Variants in IL16 observed in about 807,000 individuals in gnomAD.
IL16 encodes interleukin 16, also known as pro-interleukin-16.
Under a neutral mutation model 110.1 loss-of-function variants are expected in IL16, and 67 were observed. The ratio of observed to expected loss-of-function variants is 0.61; its 90% CI spans 0.50 to 0.75. The LOEUF is 0.75. IL16 is among the 30% of genes least tolerant of loss of function. IL16 has a pLI of 0.00. For synonymous variants in IL16, 689 were observed against 662.9 expected (o/e 1.04, Z -0.61); for missense variants, 1,545 against 1,655.0 (o/e 0.93, Z 1.15).
intron 5 of IL16, among the ~76,000 whole-genome samples, chr15:81,271,269 A>G (rs899607806): frequency 1.4e-5 from 2 of 143,588 alleles, no homozygotes; most frequent in Non-Finnish European, 3.0e-5. Context: ...TAAATAAAAT[A>G]AAATAAATTA....
At chr15:81,192,482 G>T (rs1394409678), upstream of IL16, among the ~76,000 whole-genome samples, 1 of 152,068 alleles carries the variant, frequency 6.6e-6, no homozygotes, top group Admixed American at 6.6e-5. Flanking sequence ...GGTGGCATGT[G>T]CTTGTTGTCC....
intron 2 of IL16, among the ~76,000 whole-genome samples, chr15:81,245,877 A>G (rs949405148): frequency 2.0e-5 from 3 of 151,626 alleles, no homozygotes; most frequent in South Asian, 2.1e-4. Flanking sequence ...TCTTCTTGCT[A>G]CCTTTCAGAG....
Position 81,303,637 on chromosome 15 carries a change from A to G in IL16, c.3407A>G (p.Asn1136Ser). ...FSLAGGADLE[N>S]KVITVHRVFP... ...TTGGCAGGAGGAGCAGATCTAGAAA[A>G]CAAGGTGATTACGGTGAGTGGCCAA... Residue 1136 changes from asparagine to serine, a missense_variant, in exon 16 of 19, where the codon AAC becomes AGC. Transcript: ENST00000683961. The surrounding 1 kb of genome is among the most constrained non-coding windows in gnomAD (Gnocchi z 4.1). 1.9e-6 allele frequency: 3 copies of G among 1,611,950 alleles called. No individual in the cohort carries two copies. Among genetic ancestry groups the G allele is most frequent in the Non-Finnish European group, 2.5e-6 (3 of 1,177,970 alleles).
intron 1 of IL16, among the ~76,000 whole-genome samples, chr15:81,184,971 G>A (rs906661340): frequency 1.3e-5 from 2 of 152,154 alleles, no homozygotes; most frequent in Non-Finnish European, 2.9e-5. Context: ...TAGGTGCCTT[G>A]ACTCCTTCTG....
At chr15:81,187,037 CT>C (rs1895429990) in intron 1 of IL16, among the ~76,000 whole-genome samples, 1 of 152,184 alleles carries the variant, frequency 6.6e-6, no homozygotes. Flanking sequence ...AGTAGCCCCC[CT>C]GGCTTCCTCT....
chr15:81,265,103 C>A (rs1399099140), intron 3 of IL16, among the ~76,000 whole-genome samples: 1 of 152,010 alleles, frequency 6.6e-6, no homozygotes, highest in Non-Finnish European at 1.5e-5. Flanking sequence ...GTGGTTTCCA[C>A]AAAGTAGAGG....
At chr15:81,196,774 G>A (rs1344780330), upstream of IL16, 1 of 997,702 alleles carries the variant, frequency 1.0e-6, no homozygotes, top group African/African-American at 1.8e-5. Flanking sequence ...CTGAGGCTGA[G>A]CTTCTCAGCA....
In IL16 at chr15:81,273,186, G is replaced by T. The variant is rs188062582; in HGVS notation, c.772G>T (p.Asp258Tyr). Residue 258 changes from aspartate to tyrosine, a missense_variant, in exon 6 of 19, where the codon GAT (aspartate) becomes TAT (tyrosine). By Grantham distance (160) the Asp-to-Tyr change is radical (BLOSUM62 -3). This residue lies in a region of IL16 where 1,185 missense variants were observed against 1,238.8 expected (regional missense o/e 0.96). Coordinates refer to ENST00000683961, the MANE Select transcript of IL16 (RefSeq NM_172217.5). Reference sequence around the variant, plus strand: ...TTTTGCAGGGGGAGCAGCAGCAGCCGATGGAAGGCTACAGGAAGGTAGGCT... The same window carrying T: ...TTTTGCAGGGGGAGCAGCAGCAGCCTATGGAAGGCTACAGGAAGGTAGGCT... The part of the protein sequence containing the change: ...TIFAGGAAAA[D>Y]GRLQEGDEIL... The T allele has an allele frequency of 6.0e-4, 973 of 1,612,094 alleles. No homozygotes were observed. Among genetic ancestry groups the T allele is most frequent in the Non-Finnish European group, 7.9e-4 (935 of 1,178,776 alleles).
Position 81,306,216 on chromosome 15 carries a change from C to A in IL16, c.3679+50C>A, listed in dbSNP as rs375183714. 116 of 1,586,620 alleles carry A rather than the reference C, an allele frequency of 7.3e-5. No individual in the cohort carries two copies. The Middle Eastern group carries it at 9.0e-4, about 12-fold the overall frequency. On this transcript the variant is annotated intron_variant, in intron 17 of 18. Coordinates refer to ENST00000683961, the MANE Select transcript of IL16 (RefSeq NM_172217.5). ...GCCACATGGGCCACATCCTCTTTGG[C>A]CATTTGGGGCCAGACCTGATGGGGC...
At chr15:81,190,786 G>A (rs1283130492) in intron 1 of IL16, among the ~76,000 whole-genome samples, 1 of 152,198 alleles carries the variant, frequency 6.6e-6, no homozygotes, top group African/African-American at 2.4e-5. Flanking sequence ...AGGACGGCGA[G>A]ACAAGATGGT....
rs1897670089 is a variant in IL16 at position 81,248,940 on chromosome 15, T to G, written c.313-10832T>G. ...TTTGCCATGTTGCCCAGGCTGGTCT[T>G]GAACTCCTGAGCTCAAGTGATCTGC... On this transcript the variant is annotated intron_variant, in intron 2 of 18. Coordinates refer to ENST00000683961, the MANE Select transcript of IL16 (RefSeq NM_172217.5). 3.3e-5 allele frequency among the ~76,000 whole-genome samples: 5 copies of G among 152,004 alleles called. No homozygotes were observed. The South Asian group carries it at 1.0e-3, about 32-fold the overall frequency.
At position 81,310,711 on chromosome 15, in the gene IL16, T is replaced by C. The variant is rs1352978834; in HGVS notation, c.*1913T>C. On this transcript the variant is annotated 3_prime_UTR_variant, in exon 19 of 19. Transcript: ENST00000683961. ...GTGGCCTTCCCTAAAATCAGGGAATTGTTTTAAGTCTTATCAAGCAGCCAA... is the reference window on the plus strand; with the variant it reads ...GTGGCCTTCCCTAAAATCAGGGAATCGTTTTAAGTCTTATCAAGCAGCCAA... 1 of 152,030 alleles carries C rather than the reference T, an allele frequency of 6.6e-6. No homozygotes were observed. 9.4% of individuals were successfully genotyped at this position (152,030 alleles called of 1,614,324 possible). A position where few individuals can be genotyped will look rare whatever the true frequency, so the allele number is the denominator to read the frequency against.
At chr15:81,273,236 G>A in intron 6 of IL16, 32 bp downstream of exon 6, 1 of 1,468,774 alleles carries the variant, frequency 6.8e-7, no homozygotes, top group South Asian at 1.2e-5. Context: ...AGACCATGGT[G>A]GAGGAATCAG....
chr15:81,305,818 A>G, intron 16 of IL16, 90 bp from the exon 17 acceptor site: 1 of 1,491,950 alleles, frequency 6.7e-7, no homozygotes. Flanking sequence ...AAAATCCTCT[A>G]GCATTGACTA....
At chr15:81,260,023 C>A in intron 3 of IL16, 143 bp downstream of exon 3, 1 of 596,832 alleles carries the variant, frequency 1.7e-6, no homozygotes, top group Non-Finnish European at 3.0e-6. Context: ...TGTGTGCATG[C>A]TCTGGCTAGC....
At chr15:81,188,737 C>A (rs1408826325) in intron 1 of IL16, among the ~76,000 whole-genome samples, 1 of 152,056 alleles carries the variant, frequency 6.6e-6, no homozygotes, top group Non-Finnish European at 1.5e-5. Flanking sequence ...TTCCTTTGCC[C>A]TTCTTCCTCC....
intron 10 of IL16, among the ~76,000 whole-genome samples, chr15:81,286,683 G>C (rs1899465524): frequency 6.6e-6 from 1 of 152,166 alleles, no homozygotes; most frequent in Admixed American, 6.5e-5. Flanking sequence ...GGAGTGTGGG[G>C]TTTGTAAGAG....
intron 2 of IL16, among the ~76,000 whole-genome samples, chr15:81,246,334 A>G (rs1314227961): frequency 6.6e-6 from 1 of 151,914 alleles, no homozygotes; most frequent in Non-Finnish European, 1.5e-5. Context: ...TCCTCCAACC[A>G]TCTCCCCACC....
In IL16 at chr15:81,205,736, C is replaced by T. The variant is rs191294140; in HGVS notation, c.-102+8584C>T. On this transcript the variant is annotated intron_variant, in intron 1 of 18. Coordinates refer to ENST00000683961, the MANE Select transcript of IL16 (RefSeq NM_172217.5). ...AACAAAAAAAGCCTAAAGAAACAAA[C>T]TCTCTCTCCCCAGTCCAATTATATC... is the stretch of plus-strand genomic sequence containing the variant. 2.7e-3 allele frequency among the ~76,000 whole-genome samples: 416 copies of T among 152,230 alleles called. 3 individuals are homozygous for T. Among genetic ancestry groups the T allele is most frequent in the Non-Finnish European group, 3.9e-3 (263 of 68,022 alleles).
Sources: allele counts gnomAD v4.1 joint callset (sites outside exome capture counted in the v4.1 genomes callset), GRCh38; gene constraint gnomAD v4.1.1; regional missense constraint gnomAD v4.1.1; non-coding constraint Gnocchi (gnomAD v3.1); transcripts MANE v1.5; gene names NCBI Gene and HGNC (gene_info 2026-07-23, HGNC 2026-07-21).